The following ASXL1 variants were observed in gnomAD, a reference collection of about 807,000 sequenced individuals.
The protein encoded by ASXL1 is ASXL transcriptional regulator 1, also known as polycomb group protein ASXL1.
In ASXL1, 65 loss-of-function variants were observed where a neutral mutation model predicts 89.1. The observed-to-expected ratio is 0.73, with a 90% CI of 0.60 to 0.90. ASXL1 has a LOEUF of 0.90. Among genes scored for constraint, ASXL1 ranks in the 40% least tolerant of loss-of-function variants. The probability of loss-of-function intolerance (pLI) is 0.00; values close to 1 mark genes in which losing one functional copy is unlikely to be tolerated. For synonymous variants in ASXL1, 739 were observed against 746.9 expected, an observed-to-expected ratio of 0.99 and a Z score of 0.17; for missense variants, 1,786 against 1,942.9, an observed-to-expected ratio of 0.92 and a Z score of 1.52.
At chr20:32,382,608 CA>C (rs11347237) in intron 4 of ASXL1, among the ~76,000 whole-genome samples, 48,943 of 95,980 alleles carry the variant, frequency 0.51, 9,449 homozygotes, top group Middle Eastern at 0.62. Flanking sequence ...CTCGTCTCTA[CA>C]AAAAAAAAAA....
chr20:32,364,922 A>C (rs937069828), intron 1 of ASXL1, among the ~76,000 whole-genome samples: 1 of 152,178 alleles, frequency 6.6e-6, no homozygotes, highest in African/African-American at 2.4e-5. Flanking sequence ...TGGAGGGATA[A>C]ATATTAAGAG....
Position 32,369,123 on chromosome 20 carries a change from G to A in ASXL1, c.252G>A (p.Lys84=). ...GCCGAATCAGCCTTTTCACGCTCAAGGTAAGTGATATGAACTCTCTTTTGG... is the reference window on the plus strand; with the variant it reads ...GCCGAATCAGCCTTTTCACGCTCAAAGTAAGTGATATGAACTCTCTTTTGG... ...LPGRISLFTL[K]KDALQWSRHP... The change falls in exon 4 of 13, where the codon AAG becomes AAA. Residue 84 remains lysine (K), a splice_region_variant and synonymous_variant. Transcript: ENST00000375687. 4 of 1,601,114 alleles carry A rather than the reference G, an allele frequency of 2.5e-6. No homozygotes were observed. Among genetic ancestry groups the A allele is most frequent in the Non-Finnish European group, 3.4e-6 (4 of 1,168,114 alleles).
In ASXL1 at chr20:32,437,177, T is replaced by C. The variant is rs776986293; in HGVS notation, c.4465T>C (p.Ser1489Pro). 6.2e-7 allele frequency: 1 copy of C among 1,613,794 alleles called. No individual in the cohort carries two copies. Among genetic ancestry groups the C allele is most frequent in the Non-Finnish European group, 8.5e-7 (1 of 1,179,672 alleles). Residue 1489 changes from serine (S) to proline (P), a missense_variant, in exon 13 of 13, where the codon TCC becomes CCC. This residue lies in a region of ASXL1 where 1,418 missense variants were observed against 1,427.8 expected (regional missense o/e 0.99). Coordinates refer to ENST00000375687, the MANE Select transcript of ASXL1 (RefSeq NM_015338.6). ...NFGASHSASL[S>P]LQMFTDSSTV... ...TGGTGCGAGCCACAGTGCATCACTT[T>C]CCTTGCAAATGTTCACTGACAGCAG... is the stretch of plus-strand genomic sequence containing the variant.
chr20:32,404,782 A>T (rs962225859), intron 4 of ASXL1, among the ~76,000 whole-genome samples: 1 of 152,144 alleles, frequency 6.6e-6, no homozygotes, highest in Admixed American at 6.5e-5. Context: ...CATTTTATAG[A>T]TGGTCTTTAT....
At chr20:32,400,647 G>A (rs936675570) in intron 4 of ASXL1, among the ~76,000 whole-genome samples, 1 of 152,168 alleles carries the variant, frequency 6.6e-6, no homozygotes, top group Admixed American at 6.5e-5. Flanking sequence ...TACTCAGTGA[G>A]TACCTCTCTA....
chr20:32,382,785 C>CA (rs1004533880), intron 4 of ASXL1, among the ~76,000 whole-genome samples: 22 of 151,560 alleles, frequency 1.5e-4, no homozygotes, highest in African/African-American at 3.9e-4. Context: ...GACCCTGTCT[C>CA]AAAAAAAATG....
chr20:32,406,552 A>C (rs1261764036), intron 4 of ASXL1, among the ~76,000 whole-genome samples: 1 of 152,172 alleles, frequency 6.6e-6, no homozygotes, highest in Admixed American at 6.5e-5. Context: ...CCCTGTCTCA[A>C]ATCTATTCCC....
chr20:32,419,442 G>T (rs149799042), intron 4 of ASXL1, among the ~76,000 whole-genome samples: 1 of 152,148 alleles, frequency 6.6e-6, no homozygotes, highest in East Asian at 1.9e-4. Context: ...GGGCTCAAGT[G>T]ATCCTCCTTC....
rs117385304 is a variant in ASXL1, at chr20:32,361,157, T to G, written c.57+2325T>G. ...TGAGGCTAGGAATTCGAGATGAGCC[T>G]GGGCAACATAGACCCGGTCTCTACA... On this transcript the variant is annotated intron_variant, in intron 1 of 12. Transcript: ENST00000375687. 9.3e-3 allele frequency among the ~76,000 whole-genome samples: 1,412 copies of G among 152,334 alleles called. 61 individuals are homozygous for G. Among genetic ancestry groups the G allele is most frequent in the Admixed American group, 0.073 (1,116 of 15,298 alleles).
At position 32,395,496 on chromosome 20, in the gene ASXL1, T is replaced by C. The variant is rs569907951; in HGVS notation, c.252+26373T>C. On this transcript the variant is annotated intron_variant, in intron 4 of 12. Transcript: ENST00000375687. Reference sequence around the variant, plus strand: ...GTTTATTATATACTTTGTTGTAGTTTGCGTCATATTTCTTGTGTTTGAATT... The same window carrying C: ...GTTTATTATATACTTTGTTGTAGTTCGCGTCATATTTCTTGTGTTTGAATT... Among the ~76,000 whole-genome samples the C allele has an allele frequency of 2.0e-5, 3 of 152,334 alleles. No homozygotes were observed. In the East Asian group the frequency reaches 5.8e-4, roughly 29 times the overall value.
chr20:32,367,873 G>T, intron 3 of ASXL1, 144 bp downstream of exon 3: 1 of 688,134 alleles, frequency 1.5e-6, no homozygotes. Context: ...TAATATGTAG[G>T]AGTCACAGAA....
intron 4 of ASXL1, among the ~76,000 whole-genome samples, chr20:32,374,837 G>A (rs762339663): frequency 6.6e-6 from 1 of 152,086 alleles, no homozygotes; most frequent in Non-Finnish European, 1.5e-5. Context: ...ATCCAAGGTG[G>A]TGTTAAATAC....
chr20:32,437,444 G>A lies in ASXL1; in HGVS notation c.*106G>A. The A allele has an allele frequency of 1.3e-6, 2 of 1,523,850 alleles. No homozygotes were observed. Among genetic ancestry groups the A allele is most frequent in the Non-Finnish European group, 1.8e-6 (2 of 1,104,254 alleles). 94.4% of individuals were successfully genotyped at this position (1,523,850 alleles called of 1,614,324 possible). On this transcript the variant is annotated 3_prime_UTR_variant, in exon 13 of 13. Transcript: ENST00000375687. Reference sequence around the variant, plus strand: ...TCATTGATATAATACTCTTTAGGCAGGAGCACTCTTGCCTTCCCCCAAAAT... The same window carrying A: ...TCATTGATATAATACTCTTTAGGCAAGAGCACTCTTGCCTTCCCCCAAAAT...
chr20:32,385,483 G>A (rs754269873), intron 4 of ASXL1, among the ~76,000 whole-genome samples: 1 of 152,112 alleles, frequency 6.6e-6, no homozygotes, highest in Non-Finnish European at 1.5e-5. Context: ...TGCTAAATGG[G>A]CTTTGCTTGT....
chr20:32,399,429 G>T (rs891076489), intron 4 of ASXL1, among the ~76,000 whole-genome samples: 1 of 146,876 alleles, frequency 6.8e-6, no homozygotes, highest in African/African-American at 2.5e-5. Context: ...GGTTTTTCTT[G>T]TGTTTATTGT....
intron 4 of ASXL1, among the ~76,000 whole-genome samples, chr20:32,381,727 G>T (rs1056761184): frequency 1.3e-5 from 2 of 151,704 alleles, no homozygotes; most frequent in Non-Finnish European, 2.9e-5. Context: ...TGTTGGCCAG[G>T]ATGGTCTCGA....
Position 32,433,786 on chromosome 20 carries a change from G to GCGGCCTCTGCATC in ASXL1, c.1590_1602dup (p.Phe535GlyfsTer13). 1 of 1,614,186 alleles carries GCGGCCTCTGCATC rather than the reference G, an allele frequency of 6.2e-7. No homozygotes were observed. The highest frequency in any genetic ancestry group is 8.5e-7 in the Non-Finnish European group (1 of 1,180,044). On this transcript the variant is annotated frameshift_variant, in exon 12 of 13. Coordinates refer to ENST00000375687, the MANE Select transcript of ASXL1 (RefSeq NM_015338.6). LOFTEE classifies it high-confidence loss of function. ...TCAGAAGAGGAAATCCTTTGAGCAGGCGGCCTCTGCATCCTTTCCCGAAAA... is the reference window on the plus strand; with the variant it reads ...TCAGAAGAGGAAATCCTTTGAGCAGGCGGCCTCTGCATCCGGCCTCTGCATCCTTTCCCGAAAA...
chr20:32,412,558 C>T (rs2049066603), intron 4 of ASXL1, among the ~76,000 whole-genome samples: 1 of 151,408 alleles, frequency 6.6e-6, no homozygotes. Context: ...TGTGGGAAAA[C>T]AAGCACTGTT....
chr20:32,429,073 C>T lies in ASXL1; in HGVS notation c.472-265C>T. On this transcript the variant is annotated intron_variant, in intron 6 of 12. Coordinates refer to ENST00000375687, the MANE Select transcript of ASXL1 (RefSeq NM_015338.6). The surrounding 1 kb of genome is among the most constrained non-coding windows in gnomAD (Gnocchi z 4.9). ...GAGCAGTTTGAATGATAACCCTGCACTTACTAGCCTTGAGACTTGGGGAAA... is the reference window on the plus strand; with the variant it reads ...GAGCAGTTTGAATGATAACCCTGCATTTACTAGCCTTGAGACTTGGGGAAA... The T allele has an allele frequency of 2.1e-6, 1 of 475,194 alleles. No individual in the cohort carries two copies. The highest frequency in any genetic ancestry group is 4.1e-5 in the East Asian group (1 of 24,246). The allele number at this position is 475,194 out of a possible 1,614,324, so 29.4% of individuals were successfully genotyped here.
Sources: allele counts gnomAD v4.1 joint callset (sites outside exome capture counted in the v4.1 genomes callset), GRCh38; gene constraint gnomAD v4.1.1; regional missense constraint gnomAD v4.1.1; non-coding constraint Gnocchi (gnomAD v3.1); transcripts MANE v1.5; gene names NCBI Gene and HGNC (gene_info 2026-07-23, HGNC 2026-07-21).